The following MMS22L variants were observed in gnomAD, a reference collection of about 807,000 sequenced individuals.
MMS22L encodes MMS22 like, DNA repair protein, also known as protein MMS22-like.
A neutral mutation model predicts 159.1 loss-of-function variants in MMS22L; 74 were observed. The ratio of observed to expected loss-of-function variants is 0.47; its 90% CI spans 0.39 to 0.56. The LOEUF (loss-of-function observed/expected upper bound fraction) is 0.56. Ranked by LOEUF, MMS22L falls within the 20% of genes least tolerant of loss-of-function variation. The pLI, the probability that MMS22L is intolerant of heterozygous loss-of-function variation, is 0.00. For missense variants in MMS22L, 1,351 were observed against 1,422.1 expected, an observed-to-expected ratio of 0.95 and a Z score of 0.80; for synonymous variants, 517 against 506.9, an observed-to-expected ratio of 1.02 and a Z score of -0.27.
Position 97,281,359 on chromosome 6 carries a change from C to G in MMS22L, c.168G>C (p.Leu56Phe). The change falls in exon 3 of 25, where the codon TTG becomes TTC. Residue 56 changes from leucine (L) to phenylalanine (F), a missense_variant. Leu to Phe is a conservative substitution (Grantham distance 22, BLOSUM62 0). Coordinates refer to ENST00000683635, the MANE Select transcript of MMS22L (RefSeq NM_001350599.2). ...SYLCSGALKR[L>F]ILNLDPLPTN... ...TTGGTAAAGGGTCAAGATTCAAAAT[C>G]AATCTGAAATGAAAATTGTTTCAAT... The G allele has an allele frequency of 6.3e-7, 1 of 1,592,932 alleles. No homozygotes were observed. The highest frequency in any genetic ancestry group is 1.8e-5 in the Admixed American group (1 of 56,436).
At chr6:97,246,582 T>C (rs1812665473) in intron 11 of MMS22L, 46 bp downstream of exon 11, 2 of 1,502,772 alleles carry the variant, frequency 1.3e-6, no homozygotes, top group Non-Finnish European at 1.8e-6. Flanking sequence ...ATTTGTAACA[T>C]AAAAATTAAG....
At chr6:97,155,894 T>C (rs530444682) in intron 22 of MMS22L, among the ~76,000 whole-genome samples, 2 of 152,324 alleles carry the variant, frequency 1.3e-5, no homozygotes, top group Non-Finnish European at 2.9e-5. Context: ...TTCTAGATCC[T>C]TGAGGAATTG....
At chr6:97,215,116 T>TATATATA (rs1410024960) in intron 14 of MMS22L, among the ~76,000 whole-genome samples, 9 of 132,068 alleles carry the variant, frequency 6.8e-5, no homozygotes, top group African/African-American at 9.7e-5. Flanking sequence ...ATATATATAT[T>TATATATA]TTTTTTTTGC....
intron 21 of MMS22L, among the ~76,000 whole-genome samples, chr6:97,164,259 G>C (rs929854934): frequency 1.3e-5 from 2 of 151,394 alleles, no homozygotes; most frequent in Admixed American, 6.6e-5. Context: ...AAGGTGAGAG[G>C]GGAGACAGAT....
chr6:97,279,679 C>T (rs888682231), intron 3 of MMS22L, among the ~76,000 whole-genome samples: 3 of 150,180 alleles, frequency 2.0e-5, no homozygotes, highest in South Asian at 2.1e-4. Flanking sequence ...CCGAGCTACT[C>T]GGGAAGCTGA....
intron 24 of MMS22L, 67 bp downstream of exon 24, chr6:97,149,786 T>C: frequency 7.1e-7 from 1 of 1,408,570 alleles, no homozygotes; most frequent in Non-Finnish European, 9.4e-7. Context: ...ATAAATCATT[T>C]CTATAAAATG....
intron 6 of MMS22L, chr6:97,270,733 A>G (rs1815648437): frequency 6.6e-6 from 1 of 152,484 alleles, no homozygotes; most frequent in Non-Finnish European, 1.5e-5. Flanking sequence ...ACAGAAATAG[A>G]TAACAAACAG....
chr6:97,196,410 G>C (rs942126106), intron 14 of MMS22L, among the ~76,000 whole-genome samples: 1 of 152,150 alleles, frequency 6.6e-6, no homozygotes, highest in Non-Finnish European at 1.5e-5. Flanking sequence ...AAACAGTGTG[G>C]TATTACTAGT....
intron 14 of MMS22L, among the ~76,000 whole-genome samples, chr6:97,195,808 G>T (rs1290099754): frequency 6.6e-6 from 1 of 152,134 alleles, no homozygotes; most frequent in Non-Finnish European, 1.5e-5. Context: ...AAAGATAAAA[G>T]AAACTAATTA....
At chr6:97,148,425 A>AGGG (rs1194142429) in intron 24 of MMS22L, among the ~76,000 whole-genome samples, 1 of 152,032 alleles carries the variant, frequency 6.6e-6, no homozygotes, top group Non-Finnish European at 1.5e-5. Flanking sequence ...ATTGCAGGAG[A>AGGG]CGACAGCTCC....
rs369566798 is a variant in MMS22L at position 97,269,853 on chromosome 6, A to G, written c.697+49T>C. 118 of 1,370,438 alleles carry G rather than the reference A, an allele frequency of 8.6e-5. 1 individual carries two copies. The highest frequency in any genetic ancestry group is 4.7e-4 in the Admixed American group (24 of 51,296). The allele number at this position is 1,370,438 out of a possible 1,614,324, so 84.9% of individuals were successfully genotyped here. ...ATTACTTATGTAATTTTAAAAAGCAATAAAAGCTGATTTTAAAAAGAATAT... is the reference window on the plus strand; with the variant it reads ...ATTACTTATGTAATTTTAAAAAGCAGTAAAAGCTGATTTTAAAAAGAATAT... On this transcript the variant is annotated intron_variant, in intron 7 of 24. Coordinates refer to ENST00000683635, the MANE Select transcript of MMS22L (RefSeq NM_001350599.2).
At chr6:97,272,546 G>T (rs1815852525) in intron 6 of MMS22L, 158 bp downstream of exon 6, 2 of 610,770 alleles carry the variant, frequency 3.3e-6, no homozygotes, top group Non-Finnish European at 5.6e-6. Flanking sequence ...TTGCCCAAAA[G>T]CACACAATTA....
intron 19 of MMS22L, among the ~76,000 whole-genome samples, chr6:97,169,037 T>A (rs1803259624): frequency 6.6e-6 from 1 of 152,154 alleles, no homozygotes; most frequent in Admixed American, 6.6e-5. Context: ...AATTTAATTG[T>A]TAATACATGG....
chr6:97,212,189 C>T (rs1007407938), intron 14 of MMS22L, among the ~76,000 whole-genome samples: 1 of 152,162 alleles, frequency 6.6e-6, no homozygotes, highest in Non-Finnish European at 1.5e-5. Context: ...CTACTTTCTC[C>T]AATACCAGCA....
In MMS22L at chr6:97,236,219, C is replaced by T. The variant is rs533016237; in HGVS notation, c.1183-2239G>A. Among the ~76,000 whole-genome samples the T allele has an allele frequency of 8.6e-5, 13 of 151,028 alleles. No homozygotes were observed. In the South Asian group the frequency reaches 2.7e-3, roughly 32 times the overall value. On this transcript the variant is annotated intron_variant, in intron 11 of 24. Transcript: ENST00000683635. ...TGGCAGGCACCTATAATCCCAGCTACTCGGGAGGCCAAAGCAGGAAAATCG... is the reference window on the plus strand; with the variant it reads ...TGGCAGGCACCTATAATCCCAGCTATTCGGGAGGCCAAAGCAGGAAAATCG...
chr6:97,267,291 A>G (rs946841110), intron 8 of MMS22L: 2 of 152,110 alleles, frequency 1.3e-5, no homozygotes, highest in Admixed American at 6.5e-5. Flanking sequence ...CTTGTAATCT[A>G]AAATAACAGA....
chr6:97,232,261 A>G (rs1035246241), intron 12 of MMS22L, among the ~76,000 whole-genome samples: 2 of 152,164 alleles, frequency 1.3e-5, no homozygotes, highest in African/African-American at 4.8e-5. Context: ...CACCCATTTT[A>G]GTGGTCCCAC....
intron 14 of MMS22L, among the ~76,000 whole-genome samples, chr6:97,201,135 C>T (rs1436234748): frequency 1.3e-5 from 2 of 151,990 alleles, no homozygotes; most frequent in African/African-American, 2.4e-5. Context: ...CTTTCAGAAA[C>T]AATAATCAGC....
chr6:97,230,888 TGA>T (rs1810790042), intron 13 of MMS22L: 1 of 153,550 alleles, frequency 6.5e-6, no homozygotes, highest in Admixed American at 6.4e-5. Context: ...TTCTCTTCCC[TGA>T]GAGGTCTCAA....
Sources: allele counts gnomAD v4.1 joint callset (sites outside exome capture counted in the v4.1 genomes callset), GRCh38; gene constraint gnomAD v4.1.1; transcripts MANE v1.5; gene names NCBI Gene and HGNC (gene_info 2026-07-23, HGNC 2026-07-21).